Variants in PPP2R2D observed in about 807,000 individuals in gnomAD.
The protein encoded by PPP2R2D is protein phosphatase 2 regulatory subunit Bdelta.
A neutral mutation model predicts 31.1 loss-of-function variants in PPP2R2D; 9 were observed. That is an observed-to-expected ratio of 0.29 (90% CI 0.17 to 0.51). PPP2R2D has a LOEUF of 0.51. Ranked by LOEUF, PPP2R2D falls within the 20% of genes least tolerant of loss-of-function variation. PPP2R2D has a pLI of 0.98. For synonymous variants in PPP2R2D, 179 were observed against 172.6 expected, an observed-to-expected ratio of 1.04 and a Z score of -0.29; for missense variants, 391 against 465.6, an observed-to-expected ratio of 0.84 and a Z score of 1.48.
downstream of PPP2R2D, among the ~76,000 whole-genome samples, chr10:131,964,510 C>G (rs146099450): frequency 3.5e-3 from 528 of 152,244 alleles, 2 homozygotes; most frequent in Middle Eastern, 0.01. Flanking sequence ...TAACCCAAAC[C>G]CAGCAAGCCC....
At chr10:131,906,074 A>G (rs1467787278) in intron 2 of PPP2R2D, among the ~76,000 whole-genome samples, 2 of 152,230 alleles carry the variant, frequency 1.3e-5, no homozygotes, top group African/African-American at 2.4e-5. Context: ...ACAGTAAGTA[A>G]GTGAAACACC....
intron 8 of PPP2R2D, 103 bp from the exon 9 acceptor site, chr10:131,955,581 T>TG (rs1589965807): frequency 9.8e-7 from 1 of 1,015,974 alleles, no homozygotes. Flanking sequence ...AACTGGGTTG[T>TG]GGGGGAGGGT....
intron 2 of PPP2R2D, among the ~76,000 whole-genome samples, chr10:131,916,990 CAGGT>C (rs1486539509): frequency 6.2e-5 from 9 of 144,694 alleles, no homozygotes; most frequent in Admixed American, 5.5e-4. Context: ...GTAGGGACCT[CAGGT>C]GGGTGGAATG....
In PPP2R2D at chr10:131,947,644, T is replaced by C; in HGVS notation, c.935T>C (p.Leu312Pro). Residue 312 changes from leucine to proline, a missense_variant, in exon 8 of 9, where the codon CTG (leucine) becomes CCG (proline). Coordinates refer to ENST00000455566, the MANE Select transcript of PPP2R2D (RefSeq NM_018461.5). The surrounding 1 kb of genome is among the most constrained non-coding windows in gnomAD (Gnocchi z 4.3). ...CGGTACATGATGACCAGAGACTACCTGTCGGTGAAGGTGTGGGACCTCAAC... is the reference window on the plus strand; with the variant it reads ...CGGTACATGATGACCAGAGACTACCCGTCGGTGAAGGTGTGGGACCTCAAC... ...SGRYMMTRDY[L>P]SVKVWDLNME... 3 of 1,614,242 alleles carry C rather than the reference T, an allele frequency of 1.9e-6. No individual in the cohort carries two copies. The highest frequency in any genetic ancestry group is 1.3e-5 in the African/African-American group (1 of 75,058).
chr10:131,903,461 C>T (rs2035533613), intron 2 of PPP2R2D, among the ~76,000 whole-genome samples: 1 of 100,030 alleles, frequency 1.0e-5, no homozygotes, highest in Non-Finnish European at 1.9e-5. Context: ...AACAAGGCTC[C>T]ATCTCAAAAA....
intron 2 of PPP2R2D, among the ~76,000 whole-genome samples, chr10:131,902,499 G>A (rs1248949481): frequency 6.6e-6 from 1 of 152,142 alleles, no homozygotes; most frequent in Non-Finnish European, 1.5e-5. Flanking sequence ...TTATTAAGCA[G>A]GTGAAACTGG....
At chr10:131,918,704 G>GAC (rs1227723891) in intron 2 of PPP2R2D, among the ~76,000 whole-genome samples, 37 of 137,680 alleles carry the variant, frequency 2.7e-4, no homozygotes, top group East Asian at 5.0e-4. Context: ...CGGGTGGAAT[G>GAC]ACAGTGTTTG....
At chr10:131,937,373 G>A (rs528132086) in intron 3 of PPP2R2D, among the ~76,000 whole-genome samples, 5 of 152,316 alleles carry the variant, frequency 3.3e-5, no homozygotes, top group South Asian at 2.1e-4. Context: ...AGCTCTAGCC[G>A]CCAGGAATCA....
At chr10:131,931,169 C>G (rs2036216814) in intron 2 of PPP2R2D, among the ~76,000 whole-genome samples, 1 of 152,104 alleles carries the variant, frequency 6.6e-6, no homozygotes, top group Non-Finnish European at 1.5e-5. Flanking sequence ...CTTCCTGGGG[C>G]TCTTAGAGGC....
intron 2 of PPP2R2D, among the ~76,000 whole-genome samples, chr10:131,906,905 C>T (rs1016893787): frequency 2.6e-5 from 4 of 151,624 alleles, no homozygotes; most frequent in African/African-American, 9.7e-5. Context: ...TGCACCACTG[C>T]ACTCCAGCCT....
At chr10:131,928,243 AC>A (rs2119818703) in intron 2 of PPP2R2D, among the ~76,000 whole-genome samples, 1 of 151,792 alleles carries the variant, frequency 6.6e-6, no homozygotes, top group South Asian at 2.1e-4. Context: ...CCTTATAACC[AC>A]CTCCTGGGCT....
intron 8 of PPP2R2D, among the ~76,000 whole-genome samples, chr10:131,950,886 G>A (rs1036606292): frequency 5.9e-5 from 9 of 152,088 alleles, no homozygotes; most frequent in Non-Finnish European, 8.8e-5. Context: ...GGCCCCAAAA[G>A]CCCAAGGAAA....
At chr10:131,938,661 G>GT (rs1468285870) in intron 3 of PPP2R2D, among the ~76,000 whole-genome samples, 1 of 152,182 alleles carries the variant, frequency 6.6e-6, no homozygotes, top group Admixed American at 6.5e-5. Context: ...CTGTACGTAC[G>GT]TAAGCAGCAC....
chr10:131,970,731 C>G, the PPP2R2D span: 1 of 1,614,170 alleles, frequency 6.2e-7, no homozygotes, highest in Admixed American at 1.7e-5. The surrounding 1 kb of genome is among the most constrained non-coding windows in gnomAD (Gnocchi z 4.1). Flanking sequence ...CTTCATGACG[C>G]TCGTGTTCCT....
rs1554896165 is a variant in PPP2R2D at position 131,934,475 on chromosome 10, G to A, written c.118G>A (p.Val40Ile). 6 of 779,488 alleles carry A rather than the reference G, an allele frequency of 7.7e-6. No homozygotes were observed. The highest frequency in any genetic ancestry group is 4.9e-5 in the East Asian group (2 of 41,234). The allele number at this position is 779,488 out of a possible 1,614,324, so 48.3% of individuals were successfully genotyped here. ...GTTGACAGCGGACATCATTTCCACC[G>A]TTGAGTTTAATTACTCTGGAGATCT... is the stretch of plus-strand genomic sequence containing the variant. ...DVAEADIIST[V>I]EFNYSGDLLA... Residue 40 changes from valine (V) to isoleucine (I), a missense_variant, in exon 3 of 9, where the codon GTT becomes ATT. This residue lies in a region of PPP2R2D where 105 missense variants were observed against 98.5 expected (regional missense o/e 1.07). Transcript: ENST00000455566.
intron 2 of PPP2R2D, chr10:131,911,519 C>A (rs1369746644): frequency 6.6e-6 from 1 of 152,254 alleles, no homozygotes; most frequent in African/African-American, 2.4e-5. Context: ...CTAAGCAAAA[C>A]TGGCCTTTTT....
intron 2 of PPP2R2D, among the ~76,000 whole-genome samples, chr10:131,902,107 A>G (rs953960284): frequency 3.3e-5 from 5 of 152,174 alleles, no homozygotes; most frequent in Non-Finnish European, 5.9e-5. Context: ...CTGTCACCTT[A>G]AAGTTAAAAA....
chr10:131,929,022 C>T (rs547283164), intron 2 of PPP2R2D, among the ~76,000 whole-genome samples: 4 of 152,316 alleles, frequency 2.6e-5, no homozygotes, highest in African/African-American at 4.8e-5. Context: ...CCAGAACTCA[C>T]GCCTGGAGTT....
intron 2 of PPP2R2D, among the ~76,000 whole-genome samples, chr10:131,925,132 G>T (rs1351750198): frequency 1.3e-5 from 2 of 152,134 alleles, no homozygotes; most frequent in African/African-American, 4.8e-5. Flanking sequence ...TAATCTGGAT[G>T]CCTTTTATTT....
Sources: allele counts gnomAD v4.1 joint callset (sites outside exome capture counted in the v4.1 genomes callset), GRCh38; gene constraint gnomAD v4.1.1; regional missense constraint gnomAD v4.1.1; non-coding constraint Gnocchi (gnomAD v3.1); transcripts MANE v1.5; gene names NCBI Gene and HGNC (gene_info 2026-07-23, HGNC 2026-07-21).